Variants in MYPN observed in about 807,000 individuals in gnomAD.
The protein encoded by MYPN is sarcomeric protein myopalladin, 145 kDa (MYOP).
In MYPN, 63 loss-of-function variants were observed where a neutral mutation model predicts 129.4. The observed-to-expected ratio is 0.49, with a 90% CI of 0.40 to 0.60. The LOEUF (loss-of-function observed/expected upper bound fraction) is 0.60. MYPN is among the 20% of genes least tolerant of loss of function. MYPN has a pLI of 0.00. For missense variants in MYPN, 1,596 were observed against 1,635.4 expected, an observed-to-expected ratio of 0.98 and a Z score of 0.42; for synonymous variants, 629 against 600.9, an observed-to-expected ratio of 1.05 and a Z score of -0.68.
Position 68,174,414 on chromosome 10 carries a change from T to A in MYPN, c.2322T>A (p.Ser774=), listed in dbSNP as rs967151350. ...CTCACCCCTCTGTGCAAACCAAATCTCCAGGAGGGCTTTCCATCCAAAATG... is the reference window on the plus strand; with the variant it reads ...CTCACCCCTCTGTGCAAACCAAATCACCAGGAGGGCTTTCCATCCAAAATG... The part of the protein sequence containing the change: ...LVSHPSVQTK[S]PGGLSIQNEP... The change falls in exon 11 of 20, where the codon TCT becomes TCA. Residue 774 remains serine, a synonymous_variant. Coordinates refer to ENST00000358913, the MANE Select transcript of MYPN (RefSeq NM_032578.4). 2.5e-6 allele frequency: 4 copies of A among 1,613,948 alleles called. No individual in the cohort carries two copies. In the Admixed American group the frequency reaches 5.0e-5, roughly 20 times the overall value.
intron 6 of MYPN, among the ~76,000 whole-genome samples, chr10:68,151,549 T>C (rs1269654631): frequency 6.6e-6 from 1 of 152,152 alleles, no homozygotes; most frequent in African/African-American, 2.4e-5. Flanking sequence ...AGCTACTTCT[T>C]ATTGTCTCTT....
intron 10 of MYPN, among the ~76,000 whole-genome samples, chr10:68,170,310 C>A (rs984560812): frequency 6.6e-6 from 1 of 152,136 alleles, no homozygotes; most frequent in South Asian, 2.1e-4. Context: ...TGTAGTGACA[C>A]CCTCTAAAAA....
chr10:68,148,759 A>G (rs2042714450), intron 5 of MYPN, among the ~76,000 whole-genome samples: 1 of 152,206 alleles, frequency 6.6e-6, no homozygotes, highest in South Asian at 2.1e-4. Flanking sequence ...CAGCTCTCAG[A>G]CTGGCCTAGA....
At chr10:68,195,668 T>C (rs1473736329) in intron 15 of MYPN, 136 bp downstream of exon 15, 2 of 761,622 alleles carry the variant, frequency 2.6e-6, no homozygotes, top group Non-Finnish European at 4.7e-6. Flanking sequence ...CACCTGGGCG[T>C]TGGTTGGAAA....
Position 68,121,979 on chromosome 10 carries a change from CACAAGAGTAA to C in MYPN, c.544_553del (p.Lys182TrpfsTer40). The C allele has an allele frequency of 1.2e-6, 2 of 1,614,218 alleles. No individual in the cohort carries two copies. Among genetic ancestry groups the C allele is most frequent in the Non-Finnish European group, 1.7e-6 (2 of 1,180,042 alleles). On this transcript the variant is annotated frameshift_variant, in exon 2 of 20. Transcript: ENST00000358913. LOFTEE classifies it high-confidence loss of function. Reference sequence around the variant, plus strand: ...GATTAGACCTCGTGCCTGCAAAAACCACAAGAGTAAACTGGAATCTCAAAACAAAGTTATG... The same window carrying C: ...GATTAGACCTCGTGCCTGCAAAAACCACTGGAATCTCAAAACAAAGTTATG...
At chr10:68,158,682 A>G in intron 7 of MYPN, 55 bp downstream of exon 7, 1 of 1,267,834 alleles carries the variant, frequency 7.9e-7, no homozygotes, top group Non-Finnish European at 1.1e-6. Context: ...AACTTATTGT[A>G]CACACTTATT....
At position 68,211,481 on chromosome 10, in the gene MYPN, A is replaced by C. The variant is rs1355651546; in HGVS notation, c.*1026A>C. The C allele has an allele frequency of 4.4e-6, 2 of 454,026 alleles. No individual in the cohort carries two copies. Among genetic ancestry groups the C allele is most frequent in the East Asian group, 1.4e-4 (2 of 14,384 alleles). The allele number at this position is 454,026 out of a possible 1,614,324, so 28.1% of individuals were successfully genotyped here. On this transcript the variant is annotated 3_prime_UTR_variant, in exon 20 of 20. Transcript: ENST00000358913. ...GAAGGAGAGGTCTTTAATAGCTTTG[A>C]AATGCTTTGAGATCATTGGTCAAAT...
At chr10:68,105,396 A>G (rs941048081), upstream of MYPN, among the ~76,000 whole-genome samples, 1 of 152,210 alleles carries the variant, frequency 6.6e-6, no homozygotes, top group Non-Finnish European at 1.5e-5. Flanking sequence ...CCAAGACTAT[A>G]GTATATTTAT....
At chr10:68,210,074 G>A (rs965527894) in intron 19 of MYPN, among the ~76,000 whole-genome samples, 4 of 152,134 alleles carry the variant, frequency 2.6e-5, no homozygotes, top group African/African-American at 9.7e-5. Flanking sequence ...GGAATTAGGG[G>A]CTTAAGATAT....
intron 19 of MYPN, among the ~76,000 whole-genome samples, chr10:68,209,725 C>T (rs1589622195): frequency 7.0e-6 from 1 of 143,364 alleles, no homozygotes; most frequent in Non-Finnish European, 1.5e-5. Flanking sequence ...GAGTCTCGCT[C>T]TGTCGCCCAG....
intron 16 of MYPN, among the ~76,000 whole-genome samples, chr10:68,198,756 T>G (rs1376219235): frequency 6.6e-6 from 1 of 151,770 alleles, no homozygotes; most frequent in Admixed American, 6.6e-5. Flanking sequence ...CTCAGCAAAC[T>G]AACACAGGAA....
chr10:68,136,650 C>CA, intron 2 of MYPN: 7 of 1,534,602 alleles, frequency 4.6e-6, no homozygotes, highest in Middle Eastern at 3.3e-4. Context: ...ACACTTCTGA[C>CA]AGAGAGTTTG....
At chr10:68,125,495 T>C (rs1395182677) in intron 2 of MYPN, among the ~76,000 whole-genome samples, 1 of 152,156 alleles carries the variant, frequency 6.6e-6, no homozygotes, top group Non-Finnish European at 1.5e-5. Flanking sequence ...ATAACTCCAA[T>C]CAGAAAGCAA....
intron 15 of MYPN, among the ~76,000 whole-genome samples, chr10:68,196,515 A>G (rs7914178): frequency 0.42 from 52,247 of 123,738 alleles, 11,627 homozygotes; most frequent in Non-Finnish European, 0.51. Flanking sequence ...TGGGGGTCTC[A>G]CTCTGTCACC....
In MYPN at chr10:68,201,284, G is replaced by A. The variant is rs562219822; in HGVS notation, c.3494-545G>A. On this transcript the variant is annotated intron_variant, in intron 17 of 19. Coordinates refer to ENST00000358913, the MANE Select transcript of MYPN (RefSeq NM_032578.4). Reference sequence around the variant, plus strand: ...TATTGCCTCTCGTGGGATGTGCAGAGATGGTTGCCCCATTTCTTTTTGTTT... The same window carrying A: ...TATTGCCTCTCGTGGGATGTGCAGAAATGGTTGCCCCATTTCTTTTTGTTT... 6.2e-4 allele frequency among the ~76,000 whole-genome samples: 94 copies of A among 152,334 alleles called. 2 individuals are homozygous for A. The South Asian group carries it at 0.017, about 27-fold the overall frequency.
At chr10:68,186,021 G>A (rs116163426) in intron 12 of MYPN, among the ~76,000 whole-genome samples, 485 of 152,250 alleles carry the variant, frequency 3.2e-3, no homozygotes, top group African/African-American at 0.011. Context: ...CCTAACAGGT[G>A]GATAGTGGAA....
chr10:68,127,665 T>C (rs114717549), intron 2 of MYPN, among the ~76,000 whole-genome samples: 4,674 of 152,016 alleles, frequency 0.031, 115 homozygotes, highest in South Asian at 0.073. Flanking sequence ...GATAAAGTAG[T>C]GCTATTGAGT....
chr10:68,210,244 G>A (rs1438789883), intron 19 of MYPN, 42 bp from the exon 20 acceptor site: 2 of 1,609,684 alleles, frequency 1.2e-6, no homozygotes, highest in South Asian at 1.1e-5. Context: ...ATGCTGGACT[G>A]CATTCCTTTG....
At chr10:68,169,376 AAAG>A (rs201738801) in intron 10 of MYPN, among the ~76,000 whole-genome samples, 8,394 of 146,026 alleles carry the variant, frequency 0.057, 911 homozygotes, top group African/African-American at 0.2. Flanking sequence ...AAAAAAAAAA[AAAG>A]AAGTGACTTC....
Sources: allele counts gnomAD v4.1 joint callset (sites outside exome capture counted in the v4.1 genomes callset), GRCh38; gene constraint gnomAD v4.1.1; transcripts MANE v1.5; gene names NCBI Gene and HGNC (gene_info 2026-07-23, HGNC 2026-07-21).